ACP7: variants seen among roughly 807,000 people sequenced by gnomAD.
ACP7 encodes the protein acid phosphatase type 7.
ACP7 carries 58 observed loss-of-function variants against 60.6 expected under a neutral mutation model. That is an observed-to-expected ratio of 0.96 (90% CI 0.77 to 1.19). The LOEUF (loss-of-function observed/expected upper bound fraction) is 1.19. Among genes scored for constraint, ACP7 ranks in the 50% most tolerant of loss-of-function variants. The pLI, the probability that ACP7 is intolerant of heterozygous loss-of-function variation, is 0.00. For missense variants in ACP7, 574 were observed against 596.2 expected (o/e 0.96, Z 0.39); for synonymous variants, 237 against 232.6 (o/e 1.02, Z -0.17).
chr19:39,092,366 C>G (rs974221121), intron 2 of ACP7, among the ~76,000 whole-genome samples: 1 of 77,704 alleles, frequency 1.3e-5, no homozygotes, highest in Non-Finnish European at 2.4e-5. Context: ...AAGTGCGAAA[C>G]TCTGTATATA....
Position 39,110,170 on chromosome 19 carries a change from G to T in ACP7, c.*52G>T. On this transcript the variant is annotated 3_prime_UTR_variant, in exon 13 of 13. Coordinates refer to ENST00000331256, the MANE Select transcript of ACP7 (RefSeq NM_001004318.3). Reference sequence around the variant, plus strand: ...CCTAGGTTTTGCCGCCTTGGCTGCTGTGACCAGAAACTGCCCAGGCCTGGG... The same window carrying T: ...CCTAGGTTTTGCCGCCTTGGCTGCTTTGACCAGAAACTGCCCAGGCCTGGG... The T allele has an allele frequency of 6.4e-7, 1 of 1,557,470 alleles. No individual in the cohort carries two copies. Among genetic ancestry groups the T allele is most frequent in the Non-Finnish European group, 8.8e-7 (1 of 1,130,736 alleles).
chr19:39,108,432 T>C (rs912204371), intron 12 of ACP7, among the ~76,000 whole-genome samples: 1 of 151,882 alleles, frequency 6.6e-6, no homozygotes, highest in Non-Finnish European at 1.5e-5. Context: ...TGAGCCACTG[T>C]GCTGGGCCCA....
Position 39,110,495 on chromosome 19 carries a change from T to G in ACP7, c.*377T>G. On this transcript the variant is annotated 3_prime_UTR_variant, in exon 13 of 13. Transcript: ENST00000331256. ...CGGGGGATGCCGCTGGGCTTCCTCC[T>G]CTCCTGCCCACCTGGCAAGGGCATC... The G allele has an allele frequency of 5.6e-6, 1 of 179,558 alleles. No individual in the cohort carries two copies. The highest frequency in any genetic ancestry group is 1.2e-5 in the Non-Finnish European group (1 of 85,718). 11.1% of individuals were successfully genotyped at this position (179,558 alleles called of 1,614,324 possible). A position where few individuals can be genotyped will look rare whatever the true frequency, so the allele number is the denominator to read the frequency against.
At chr19:39,100,404 TC>T in intron 5 of ACP7, 54 bp downstream of exon 5, 1 of 1,607,936 alleles carries the variant, frequency 6.2e-7, no homozygotes, top group East Asian at 2.2e-5. Flanking sequence ...GGAAATGGTC[TC>T]GTTCTTCTTA....
At chr19:39,094,121 G>A (rs8112027) in intron 2 of ACP7, among the ~76,000 whole-genome samples, 4,488 of 152,204 alleles carry the variant, frequency 0.029, 201 homozygotes, top group African/African-American at 0.1. Flanking sequence ...GGGTGCTAAC[G>A]TTTAAGAATT....
chr19:39,089,370 T>C (rs2073179930), intron 2 of ACP7, among the ~76,000 whole-genome samples: 1 of 152,204 alleles, frequency 6.6e-6, no homozygotes, highest in South Asian at 2.1e-4. Flanking sequence ...GCCCGGCCTA[T>C]TTTAAAACTT....
chr19:39,091,373 G>T (rs2073202713), intron 2 of ACP7, among the ~76,000 whole-genome samples: 1 of 151,890 alleles, frequency 6.6e-6, no homozygotes, highest in Non-Finnish European at 1.5e-5. Flanking sequence ...ATGCCGGTCA[G>T]GCTGGTCTCG....
At chr19:39,091,173 T>A (rs559048892) in intron 2 of ACP7, among the ~76,000 whole-genome samples, 2 of 151,692 alleles carry the variant, frequency 1.3e-5, no homozygotes, top group African/African-American at 4.8e-5. Context: ...TCTTTTTTTT[T>A]TTTTTTGAGA....
At chr19:39,098,177 C>G (rs692438) in intron 2 of ACP7, among the ~76,000 whole-genome samples, 28,275 of 143,214 alleles carry the variant, frequency 0.2, 2,686 homozygotes, top group Non-Finnish European at 0.21. Flanking sequence ...CTTGAACCTG[C>G]GAGGCGGCAG....
intron 2 of ACP7, among the ~76,000 whole-genome samples, chr19:39,093,768 A>C (rs1210191755): frequency 1.3e-5 from 2 of 151,794 alleles, no homozygotes. Context: ...CCCTTTCTTT[A>C]TTTCTTTTGT....
intron 2 of ACP7, among the ~76,000 whole-genome samples, chr19:39,088,556 T>C (rs1458658053): frequency 6.6e-6 from 1 of 152,180 alleles, no homozygotes; most frequent in Non-Finnish European, 1.5e-5. Flanking sequence ...CTCTTATAAG[T>C]GCTTTAGACG....
chr19:39,098,428 C>T lies in ACP7; in HGVS notation c.122-30C>T, dbSNP rs201685718. ...CTCCCACCCTGCCCAGGCTTCACTCCCGGTCTACCCTCTGTCCCTTTCTCC... is the reference window on the plus strand; with the variant it reads ...CTCCCACCCTGCCCAGGCTTCACTCTCGGTCTACCCTCTGTCCCTTTCTCC... On this transcript the variant is annotated intron_variant, in intron 2 of 12. Transcript: ENST00000331256. 2.0e-4 allele frequency: 301 copies of T among 1,476,278 alleles called. 1 individual carries two copies. In the African/African-American group the frequency reaches 4.0e-3, roughly 20 times the overall value. The allele number at this position is 1,476,278 out of a possible 1,614,324, so 91.4% of individuals were successfully genotyped here.
chr19:39,096,609 C>G (rs2073268515), intron 2 of ACP7, among the ~76,000 whole-genome samples: 1 of 152,192 alleles, frequency 6.6e-6, no homozygotes, highest in Non-Finnish European at 1.5e-5. Flanking sequence ...GCTGCTTCCA[C>G]ATTTTCAGGT....
intron 2 of ACP7, among the ~76,000 whole-genome samples, chr19:39,086,428 A>G (rs796784286): frequency 3.9e-5 from 6 of 152,258 alleles, no homozygotes; most frequent in African/African-American, 1.4e-4. Context: ...TCAGGGGTTC[A>G]AGACCAGCCT....
intron 2 of ACP7, among the ~76,000 whole-genome samples, chr19:39,094,588 C>T (rs753285220): frequency 1.3e-5 from 2 of 151,798 alleles, no homozygotes; most frequent in Non-Finnish European, 1.5e-5. Flanking sequence ...TTTGGGAGAC[C>T]GAGGAGGGAG....
At chr19:39,098,873 T>G in intron 3 of ACP7, 87 bp from the exon 4 acceptor site, 3 of 1,402,602 alleles carry the variant, frequency 2.1e-6, no homozygotes, top group Non-Finnish European at 2.9e-6. Context: ...CCCCATCTCC[T>G]CCCCTCCACC....
rs2073227414 is a variant in ACP7, at chr19:39,093,175, C to CTTCCTTCCTTCCTTCCTTCA, written c.122-5268_122-5267insCTTCATTCCTTCCTTCCTTC. On this transcript the variant is annotated intron_variant, in intron 2 of 12. Coordinates refer to ENST00000331256, the MANE Select transcript of ACP7 (RefSeq NM_001004318.3). Reference sequence around the variant, plus strand: ...TTCTTTCTCTTTCTTTCTTTCTCTCCTTCCTTCCTTCCTTCTTTCTTTGTT... The same window carrying CTTCCTTCCTTCCTTCCTTCA: ...TTCTTTCTCTTTCTTTCTTTCTCTCCTTCCTTCCTTCCTTCCTTCATTCCTTCCTTCCTTCTTTCTTTGTT... 4.7e-5 allele frequency among the ~76,000 whole-genome samples: 2 copies of CTTCCTTCCTTCCTTCCTTCA among 42,260 alleles called. 1 individual carries two copies. The highest frequency in any genetic ancestry group is 9.2e-5 in the Non-Finnish European group (2 of 21,740). The allele number at this position is 42,260 out of a possible 152,430, so 27.7% of individuals were successfully genotyped here. A position where few individuals can be genotyped will look rare whatever the true frequency, so the allele number is the denominator to read the frequency against.
intron 2 of ACP7, among the ~76,000 whole-genome samples, chr19:39,089,620 T>C (rs900993690): frequency 2.0e-5 from 3 of 152,222 alleles, no homozygotes; most frequent in Admixed American, 6.5e-5. Flanking sequence ...GGATCTCACA[T>C]TGCATTTAGC....
chr19:39,110,406 G>T lies in ACP7; in HGVS notation c.*288G>T. On this transcript the variant is annotated 3_prime_UTR_variant, in exon 13 of 13. Coordinates refer to ENST00000331256, the MANE Select transcript of ACP7 (RefSeq NM_001004318.3). Reference sequence around the variant, plus strand: ...CTCCTGCATAGCTCTGATCGGGCGAGGTGCCCACGGGGCTTCAGGAATGAA... The same window carrying T: ...CTCCTGCATAGCTCTGATCGGGCGATGTGCCCACGGGGCTTCAGGAATGAA... 1 of 374,424 alleles carries T rather than the reference G, an allele frequency of 2.7e-6. No homozygotes were observed. The highest frequency in any genetic ancestry group is 4.9e-6 in the Non-Finnish European group (1 of 205,724). 23.2% of individuals were successfully genotyped at this position (374,424 alleles called of 1,614,324 possible). A position where few individuals can be genotyped will look rare whatever the true frequency, so the allele number is the denominator to read the frequency against.
Sources: allele counts gnomAD v4.1 joint callset (sites outside exome capture counted in the v4.1 genomes callset), GRCh38; gene constraint gnomAD v4.1.1; transcripts MANE v1.5; gene names NCBI Gene and HGNC (gene_info 2026-07-23, HGNC 2026-07-21).